Variants in MAF observed in about 807,000 individuals in gnomAD.
MAF encodes transcription factor Maf.
MAF carries 10 observed loss-of-function variants against 22.0 expected under a neutral mutation model. That is an observed-to-expected ratio of 0.45 (90% CI 0.28 to 0.77). The LOEUF (loss-of-function observed/expected upper bound fraction) is 0.77. Ranked by LOEUF, MAF falls within the 30% of genes least tolerant of loss-of-function variation. The pLI is 0.12. For missense variants in MAF, 544 were observed against 548.4 expected (o/e 0.99, Z 0.08); for synonymous variants, 337 against 255.8 (o/e 1.32, Z -3.03).
chr16:79,495,638 C>T, the MAF span, among the ~76,000 whole-genome samples: 1 of 152,120 alleles, frequency 6.6e-6, no homozygotes, highest in South Asian at 2.1e-4. Context: ...GAATATTATT[C>T]TGCCTGCCGC....
the MAF span, among the ~76,000 whole-genome samples, chr16:79,422,987 G>C: frequency 6.6e-6 from 1 of 152,064 alleles, no homozygotes; most frequent in Non-Finnish European, 1.5e-5. Context: ...AACCAACTAG[G>C]ATAAGCAGGA....
the MAF span, among the ~76,000 whole-genome samples, chr16:79,434,973 T>C: frequency 6.6e-6 from 1 of 152,110 alleles, no homozygotes; most frequent in Non-Finnish European, 1.5e-5. Context: ...ATGAGATCAC[T>C]TGGGCCCAGA....
At chr16:79,204,997 A>T in the MAF span, 1 of 152,148 alleles carries the variant, frequency 6.6e-6, no homozygotes, top group Non-Finnish European at 1.5e-5. Flanking sequence ...GGAGAATGGC[A>T]TGGCCTTTGT....
chr16:79,310,102 TC>T, the MAF span, among the ~76,000 whole-genome samples: 1 of 151,794 alleles, frequency 6.6e-6, no homozygotes, highest in South Asian at 2.1e-4. Context: ...CGTGAGCATT[TC>T]CCCCCCGATT....
At chr16:79,550,295 G>A in the MAF span, among the ~76,000 whole-genome samples, 4 of 152,094 alleles carry the variant, frequency 2.6e-5, no homozygotes, top group African/African-American at 9.7e-5. Flanking sequence ...CTTCAGGGGG[G>A]ATTAGGAAAG....
At chr16:79,333,299 A>T in the MAF span, among the ~76,000 whole-genome samples, 2 of 152,174 alleles carry the variant, frequency 1.3e-5, no homozygotes, top group African/African-American at 2.4e-5. Flanking sequence ...ACCTGAGCTC[A>T]GACTCTGGGA....
chr16:79,432,741 T>TAC, the MAF span, among the ~76,000 whole-genome samples: 32 of 151,246 alleles, frequency 2.1e-4, no homozygotes, highest in African/African-American at 5.6e-4. Flanking sequence ...AATTTGGACA[T>TAC]ACACACACAC....
At chr16:79,502,127 CTCTCAAGAGCCCCT>C in the MAF span, among the ~76,000 whole-genome samples, 1 of 152,158 alleles carries the variant, frequency 6.6e-6, no homozygotes, top group African/African-American at 2.4e-5. Context: ...GCCGAGTACC[CTCTCAAGAGCCCCT>C]TGTCGTGACA....
the MAF span, among the ~76,000 whole-genome samples, chr16:79,448,426 G>A: frequency 1.4e-5 from 2 of 139,462 alleles, no homozygotes; most frequent in Admixed American, 7.1e-5. Context: ...TGTTTTATTT[G>A]TTTTTGTTTT....
chr16:79,587,564 G>C (rs1344874753), intron 1 of MAF, among the ~76,000 whole-genome samples: 3 of 152,060 alleles, frequency 2.0e-5, no homozygotes, highest in Non-Finnish European at 2.9e-5. Context: ...GCTTCGGCAA[G>C]GAATATTTAC....
At chr16:79,587,782 G>A (rs909288717) in intron 1 of MAF, among the ~76,000 whole-genome samples, 3 of 148,706 alleles carry the variant, frequency 2.0e-5, no homozygotes, top group African/African-American at 4.9e-5. Flanking sequence ...GTCCTTTTTA[G>A]ATCATTGGTG....
At chr16:79,578,207 A>G in the MAF span, among the ~76,000 whole-genome samples, 1 of 152,236 alleles carries the variant, frequency 6.6e-6, no homozygotes, top group Non-Finnish European at 1.5e-5. Context: ...TTGTATACCT[A>G]TAATATGCTA....
chr16:79,444,097 T>C, the MAF span, among the ~76,000 whole-genome samples: 930 of 152,176 alleles, frequency 6.1e-3, 9 homozygotes, highest in African/African-American at 0.021. Context: ...TAGGTAATTA[T>C]GTAGGGAAAA....
the MAF span, among the ~76,000 whole-genome samples, chr16:79,576,868 G>A: frequency 6.6e-6 from 1 of 152,150 alleles, no homozygotes; most frequent in Non-Finnish European, 1.5e-5. Context: ...CTATCTTACA[G>A]ATGCAGAAAC....
chr16:79,502,724 T>TATATAAATATAA, the MAF span, among the ~76,000 whole-genome samples: 5 of 94,900 alleles, frequency 5.3e-5, no homozygotes, highest in Admixed American at 2.2e-4. Context: ...TATATATATA[T>TATATAAATATAA]ATATATATAT....
chr16:79,476,492 T>C, the MAF span, among the ~76,000 whole-genome samples: 15 of 152,286 alleles, frequency 9.8e-5, no homozygotes, highest in East Asian at 2.3e-3. Context: ...AAGAGTGAAG[T>C]GCATTTCTTA....
the MAF span, among the ~76,000 whole-genome samples, chr16:79,491,838 A>T: frequency 6.6e-6 from 1 of 152,224 alleles, no homozygotes; most frequent in South Asian, 2.1e-4. Flanking sequence ...CCTCTTAAAG[A>T]AATGGAGGAA....
chr16:79,409,735 G>A, the MAF span, among the ~76,000 whole-genome samples: 8 of 152,196 alleles, frequency 5.3e-5, no homozygotes, highest in African/African-American at 1.9e-4. Context: ...TGTGAACAGA[G>A]ACAGGAGAAC....
At chr16:79,440,626 G>A in the MAF span, among the ~76,000 whole-genome samples, 7,664 of 152,160 alleles carry the variant, frequency 0.05, 315 homozygotes, top group Non-Finnish European at 0.073. Flanking sequence ...AGTAGAGAAG[G>A]GGTTTCACCA....
Sources: allele counts gnomAD v4.1 joint callset (sites outside exome capture counted in the v4.1 genomes callset), GRCh38; gene constraint gnomAD v4.1.1; transcripts MANE v1.5; gene names NCBI Gene and HGNC (gene_info 2026-07-23, HGNC 2026-07-21).